The following GMDS variants were observed in gnomAD, a reference collection of about 807,000 sequenced individuals.
GMDS encodes GDP-mannose 4,6-dehydratase.
GMDS carries 20 observed loss-of-function variants against 49.9 expected under a neutral mutation model. The ratio of observed to expected loss-of-function variants is 0.40; its 90% CI spans 0.28 to 0.58. The LOEUF (loss-of-function observed/expected upper bound fraction) is 0.58. GMDS is among the 20% of genes least tolerant of loss of function. The pLI is 0.42. For missense variants in GMDS, 362 were observed against 481.4 expected (o/e 0.75, Z 2.32); for synonymous variants, 177 against 178.6 (o/e 0.99, Z 0.07).
intron 4 of GMDS, among the ~76,000 whole-genome samples, chr6:2,065,180 C>T (rs1000790043): frequency 4.6e-5 from 7 of 152,130 alleles, no homozygotes; most frequent in African/African-American, 1.7e-4. Context: ...CCTCACACAG[C>T]CTGGTACTCC....
At chr6:1,694,188 G>A (rs1235315073) in intron 9 of GMDS, among the ~76,000 whole-genome samples, 3 of 152,046 alleles carry the variant, frequency 2.0e-5, no homozygotes, top group African/African-American at 4.8e-5. Context: ...ACTATGCTAC[G>A]GATTGTAAGA....
At chr6:1,843,287 T>G (rs1041608151) in intron 7 of GMDS, among the ~76,000 whole-genome samples, 1 of 152,134 alleles carries the variant, frequency 6.6e-6, no homozygotes, top group Non-Finnish European at 1.5e-5. Context: ...CAGTAGGTGC[T>G]GGTCTCAAGC....
In GMDS at chr6:1,640,178, A is replaced by G. The variant is rs1258688613; in HGVS notation, c.988-15638T>C. On this transcript the variant is annotated intron_variant, in intron 9 of 10. Transcript: ENST00000380815. The surrounding 1 kb of genome is among the most constrained non-coding windows in gnomAD (Gnocchi z 4.0). ...CACCAGCTCGGCAGCACTGTTGCCC[A>G]AGGCTCCCCCACATCACTCTTCAGT... is the stretch of plus-strand genomic sequence containing the variant. Among the ~76,000 whole-genome samples, 1 of 152,146 alleles carries G rather than the reference A, an allele frequency of 6.6e-6. No individual in the cohort carries two copies. Among genetic ancestry groups the G allele is most frequent in the Non-Finnish European group, 1.5e-5 (1 of 68,036 alleles).
At chr6:2,145,523 G>C (rs1030756510) in intron 1 of GMDS, among the ~76,000 whole-genome samples, 12 of 147,582 alleles carry the variant, frequency 8.1e-5, no homozygotes, top group Non-Finnish European at 1.5e-4. Flanking sequence ...GGGCGACAGA[G>C]TGAGACTCTG....
intron 9 of GMDS, among the ~76,000 whole-genome samples, chr6:1,719,408 CA>C (rs1766287967): frequency 6.6e-6 from 1 of 152,122 alleles, no homozygotes; most frequent in Non-Finnish European, 1.5e-5. Context: ...CTAGTGTCTG[CA>C]GAGCAACTGT....
At chr6:1,811,240 T>C (rs1023745266) in intron 7 of GMDS, among the ~76,000 whole-genome samples, 4 of 152,246 alleles carry the variant, frequency 2.6e-5, no homozygotes, top group Non-Finnish European at 4.4e-5. Context: ...CAAAAAGAAA[T>C]ATGTCCTTTT....
At chr6:2,044,596 A>G (rs1769886912) in intron 4 of GMDS, among the ~76,000 whole-genome samples, 1 of 152,222 alleles carries the variant, frequency 6.6e-6, no homozygotes, top group South Asian at 2.1e-4. Flanking sequence ...GAAGATCAGG[A>G]AAAATAACTC....
At chr6:1,871,884 G>A (rs1045912876) in intron 7 of GMDS, among the ~76,000 whole-genome samples, 11 of 152,190 alleles carry the variant, frequency 7.2e-5, no homozygotes, top group Non-Finnish European at 1.5e-4. Context: ...GAATGAGGAC[G>A]AAGATACTGC....
intron 7 of GMDS, among the ~76,000 whole-genome samples, chr6:1,921,926 C>T (rs1475679122): frequency 6.6e-6 from 1 of 152,052 alleles, no homozygotes; most frequent in Non-Finnish European, 1.5e-5. Context: ...CCTCACTAAT[C>T]AATATAAAAA....
intron 7 of GMDS, among the ~76,000 whole-genome samples, chr6:1,854,829 A>C (rs909968487): frequency 6.6e-6 from 1 of 152,198 alleles, no homozygotes; most frequent in Non-Finnish European, 1.5e-5. Context: ...TATTTCCTTT[A>C]TTATCATCCT....
intron 2 of GMDS, among the ~76,000 whole-genome samples, chr6:2,119,233 A>G (rs1775009589): frequency 1.3e-5 from 2 of 152,204 alleles, no homozygotes. Context: ...TTATTAATAT[A>G]TATTCATTAC....
At chr6:1,892,843 G>C (rs1335886897) in intron 7 of GMDS, among the ~76,000 whole-genome samples, 2 of 152,178 alleles carry the variant, frequency 1.3e-5, no homozygotes, top group African/African-American at 2.4e-5. Flanking sequence ...GACTGGACAC[G>C]CATTCTGACT....
chr6:1,727,219 A>G (rs936436091), intron 8 of GMDS, among the ~76,000 whole-genome samples: 8 of 152,172 alleles, frequency 5.3e-5, no homozygotes, highest in Non-Finnish European at 1.0e-4. Context: ...TGAACATCCA[A>G]GGTTGACAGC....
intron 7 of GMDS, among the ~76,000 whole-genome samples, chr6:1,805,459 TATGGTCCA>T (rs1416099009): frequency 6.6e-6 from 1 of 152,184 alleles, no homozygotes; most frequent in African/African-American, 2.4e-5. Flanking sequence ...GTTCCCAAAG[TATGGTCCA>T]GGCACCTCTG....
intron 9 of GMDS, among the ~76,000 whole-genome samples, chr6:1,662,013 G>A (rs531012227): frequency 5.3e-5 from 8 of 152,256 alleles, no homozygotes; most frequent in South Asian, 2.1e-4. Context: ...CAGGAGCACC[G>A]GGAGTCACAA....
intron 7 of GMDS, among the ~76,000 whole-genome samples, chr6:1,862,140 G>GA (rs1284036802): frequency 6.6e-6 from 1 of 152,206 alleles, no homozygotes; most frequent in African/African-American, 2.4e-5. Context: ...TGATGATGAG[G>GA]AAAGAGCAGA....
chr6:1,627,435 A>T (rs1420662208), intron 9 of GMDS, among the ~76,000 whole-genome samples: 1 of 152,220 alleles, frequency 6.6e-6, no homozygotes, highest in Non-Finnish European at 1.5e-5. Context: ...AAATGCTCAT[A>T]CAACGGGGTC....
chr6:2,110,738 TAAAC>T (rs1774501270), intron 4 of GMDS, among the ~76,000 whole-genome samples: 5 of 152,160 alleles, frequency 3.3e-5, no homozygotes, highest in African/African-American at 1.2e-4. Flanking sequence ...GAAACAAAAT[TAAAC>T]AAATAACTTA....
chr6:1,700,272 G>A (rs1387431515), intron 9 of GMDS, among the ~76,000 whole-genome samples: 1 of 152,116 alleles, frequency 6.6e-6, no homozygotes, highest in Admixed American at 6.5e-5. Context: ...ATTACTCTGC[G>A]AAAGTTTTTA....
Sources: gnomAD v4.1 joint callset for allele counts (sites outside exome capture counted in the v4.1 genomes callset) on GRCh38, gnomAD v4.1.1 for gene constraint, Gnocchi (gnomAD v3.1) non-coding constraint, MANE v1.5 for transcripts, NCBI Gene and HGNC (gene_info 2026-07-23, HGNC 2026-07-21) for gene names.